MAST4: variants seen among roughly 807,000 people sequenced by gnomAD.
The protein encoded by MAST4 is microtubule associated serine/threonine kinase family member 4.
A neutral mutation model predicts 162.7 loss-of-function variants in MAST4; 89 were observed. The observed-to-expected ratio is 0.55, with a 90% CI of 0.46 to 0.65. The LOEUF is 0.65. Ranked by LOEUF, MAST4 falls within the 30% of genes least tolerant of loss-of-function variation. The pLI, the probability that MAST4 is intolerant of heterozygous loss-of-function variation, is 0.00. For missense variants in MAST4, 3,153 were observed against 3,374.0 expected (o/e 0.93, Z 1.62); for synonymous variants, 1,479 against 1,361.1 (o/e 1.09, Z -1.91).
At chr5:67,158,869 T>G (rs2151104296) in intron 26 of MAST4, among the ~76,000 whole-genome samples, 1 of 152,184 alleles carries the variant, frequency 6.6e-6, no homozygotes, top group South Asian at 2.1e-4. Flanking sequence ...ACCCTATCTT[T>G]ACTAAAAATA....
chr5:66,851,891 G>A (rs750803173), intron 3 of MAST4, among the ~76,000 whole-genome samples: 5 of 152,114 alleles, frequency 3.3e-5, no homozygotes, highest in Non-Finnish European at 7.4e-5. Flanking sequence ...AGCTAGATAG[G>A]TTTTGGAGGT....
intron 4 of MAST4, among the ~76,000 whole-genome samples, chr5:66,961,528 C>T (rs1746015903): frequency 6.6e-6 from 1 of 152,148 alleles, no homozygotes; most frequent in Non-Finnish European, 1.5e-5. Context: ...TGTGAGACAT[C>T]AAATATATAT....
At chr5:66,638,139 C>G (rs552416035) in intron 1 of MAST4, among the ~76,000 whole-genome samples, 1 of 152,292 alleles carries the variant, frequency 6.6e-6, no homozygotes, top group East Asian at 1.9e-4. Context: ...GAGCTCCTTA[C>G]TCTTACACTT....
intron 2 of MAST4, among the ~76,000 whole-genome samples, chr5:66,766,895 A>C (rs1470220713): frequency 6.6e-6 from 1 of 152,194 alleles, no homozygotes; most frequent in East Asian, 1.9e-4. Flanking sequence ...TTAACACAAT[A>C]GTAGTTTATT....
chr5:67,053,879 C>T (rs1308169218), intron 4 of MAST4, among the ~76,000 whole-genome samples: 2 of 152,044 alleles, frequency 1.3e-5, no homozygotes, highest in East Asian at 3.9e-4. Flanking sequence ...AATTGAATGC[C>T]ATATACAAGA....
chr5:66,892,345 A>C (rs1043905218), intron 3 of MAST4, among the ~76,000 whole-genome samples: 1 of 152,032 alleles, frequency 6.6e-6, no homozygotes, highest in African/African-American at 2.4e-5. Context: ...CTTTGAAAAG[A>C]CCTCTATTCC....
intron 3 of MAST4, among the ~76,000 whole-genome samples, chr5:66,883,010 A>G (rs1312447461): frequency 6.6e-6 from 1 of 152,232 alleles, no homozygotes; most frequent in Non-Finnish European, 1.5e-5. Flanking sequence ...CCTACAGTCA[A>G]AATAACCTGG....
At chr5:66,684,264 G>C (rs1748501009) in intron 1 of MAST4, among the ~76,000 whole-genome samples, 1 of 152,262 alleles carries the variant, frequency 6.6e-6, no homozygotes, top group East Asian at 1.9e-4. Context: ...GCCTACCACA[G>C]CACTTAAAGG....
chr5:66,644,654 C>G (rs2149439772), intron 1 of MAST4, among the ~76,000 whole-genome samples: 1 of 151,904 alleles, frequency 6.6e-6, no homozygotes, highest in East Asian at 1.9e-4. Flanking sequence ...TGACACTATA[C>G]AGTCTCCCAA....
chr5:66,622,596 A>G (rs1744148554), intron 1 of MAST4, among the ~76,000 whole-genome samples: 1 of 152,172 alleles, frequency 6.6e-6, no homozygotes, highest in South Asian at 2.1e-4. Flanking sequence ...TAATCAGGTT[A>G]GAGGTGATGG....
intron 4 of MAST4, among the ~76,000 whole-genome samples, chr5:66,990,571 C>G (rs943824344): frequency 1.3e-5 from 2 of 152,112 alleles, no homozygotes; most frequent in Non-Finnish European, 1.5e-5. Flanking sequence ...CCAGGGAGAT[C>G]GAGGCTGTAG....
intron 4 of MAST4, chr5:67,002,005 C>G (rs1179982042): frequency 1.3e-5 from 2 of 152,162 alleles, no homozygotes; most frequent in Non-Finnish European, 2.9e-5. Context: ...TTACTCTTCT[C>G]TGTGCGGCTT....
chr5:66,705,480 T>C (rs1458074621), intron 1 of MAST4, among the ~76,000 whole-genome samples: 1 of 152,120 alleles, frequency 6.6e-6, no homozygotes, highest in African/African-American at 2.4e-5. Flanking sequence ...CAGATGAATG[T>C]TGTGGTGTTA....
chr5:67,132,786 T>G (rs2150999208), intron 16 of MAST4, among the ~76,000 whole-genome samples: 1 of 152,168 alleles, frequency 6.6e-6, no homozygotes, highest in East Asian at 1.9e-4. Flanking sequence ...TGACTCATGC[T>G]CATTCTACAA....
intron 1 of MAST4, among the ~76,000 whole-genome samples, chr5:66,751,603 A>T (rs1219872385): frequency 6.6e-6 from 1 of 151,392 alleles, no homozygotes; most frequent in Non-Finnish European, 1.5e-5. Context: ...AAAAAAGAAT[A>T]AAAAGAAATG....
intron 4 of MAST4, among the ~76,000 whole-genome samples, chr5:67,005,288 C>T (rs1425430146): frequency 6.6e-6 from 1 of 152,146 alleles, no homozygotes; most frequent in African/African-American, 2.4e-5. Context: ...GATAAATGTG[C>T]TTCTCATAGG....
At chr5:66,609,263 C>T (rs929544962) in intron 1 of MAST4, among the ~76,000 whole-genome samples, 3 of 152,050 alleles carry the variant, frequency 2.0e-5, no homozygotes, top group Non-Finnish European at 4.4e-5. Context: ...GTAGGATCTC[C>T]GTTTCCCTGG....
At chr5:66,891,249 A>G (rs1415137403) in intron 3 of MAST4, among the ~76,000 whole-genome samples, 3 of 152,040 alleles carry the variant, frequency 2.0e-5, no homozygotes, top group Non-Finnish European at 4.4e-5. Flanking sequence ...CTCCACCACA[A>G]CTATTCTAAA....
intron 4 of MAST4, among the ~76,000 whole-genome samples, chr5:67,006,482 A>G (rs1752050358): frequency 6.6e-6 from 1 of 152,216 alleles, no homozygotes; most frequent in African/African-American, 2.4e-5. Context: ...CCACTGCTCA[A>G]CATGGTGATA....
Sources: gnomAD v4.1 joint callset for allele counts (sites outside exome capture counted in the v4.1 genomes callset) on GRCh38, gnomAD v4.1.1 for gene constraint, MANE v1.5 for transcripts, NCBI Gene and HGNC (gene_info 2026-07-23, HGNC 2026-07-21) for gene names.